The following NAA25 variants were observed in gnomAD, a reference collection of about 807,000 sequenced individuals.
The protein encoded by NAA25 is N-alpha-acetyltransferase 25, NatB auxiliary subunit.
NAA25 carries 30 observed loss-of-function variants against 132.5 expected under a neutral mutation model. The ratio of observed to expected loss-of-function variants is 0.23; its 90% CI spans 0.17 to 0.31. The LOEUF is 0.31. Among genes scored for constraint, NAA25 ranks in the 10% least tolerant of loss-of-function variants. The pLI is 1.00. For missense variants in NAA25, 771 were observed against 1,150.4 expected (o/e 0.67, Z 4.77); for synonymous variants, 359 against 401.9 (o/e 0.89, Z 1.28).
rs945475861 is a variant in NAA25, at chr12:112,057,967, G to A, written c.1447+2303C>T. On this transcript the variant is annotated intron_variant, in intron 13 of 23. Transcript: ENST00000261745. ...TTGCACTCCAGTCTGGCGACAGAGCGAGACTTTGTCTCAAAAAAAACCCAC... is the reference window on the plus strand; with the variant it reads ...TTGCACTCCAGTCTGGCGACAGAGCAAGACTTTGTCTCAAAAAAAACCCAC... Among the ~76,000 whole-genome samples, 12 of 152,044 alleles carry A rather than the reference G, an allele frequency of 7.9e-5. No homozygotes were observed. In the South Asian group the frequency reaches 8.3e-4, roughly 10 times the overall value.
intron 4 of NAA25, 87 bp from the exon 5 acceptor site, chr12:112,081,221 G>A: frequency 1.9e-6 from 2 of 1,080,494 alleles, no homozygotes; most frequent in African/African-American, 3.2e-5. Context: ...AGTTTCTTGG[G>A]AGAACAGCAA....
Position 112,042,039 on chromosome 12 carries a change from C to T in NAA25, c.2440G>A (p.Asp814Asn). ...SFKSLLDQLK[D>N]VFSKCKGDLL... The stretch of plus-strand genomic sequence containing the variant: ...AGGAATCTACAGTAGGAAAACTTAC[C>T]TTTTAACTGGTCTAGTAAAGACTTA... The change falls in exon 20 of 24, where the codon GAT becomes AAT. Residue 814 changes from aspartate (D) to asparagine (N), a missense_variant and splice_region_variant. Coordinates refer to ENST00000261745, the MANE Select transcript of NAA25 (RefSeq NM_024953.4). 1.4e-6 allele frequency: 2 copies of T among 1,468,618 alleles called. No homozygotes were observed. The highest frequency in any genetic ancestry group is 1.8e-6 in the Non-Finnish European group (2 of 1,102,124). 91.0% of individuals were successfully genotyped at this position (1,468,618 alleles called of 1,614,324 possible).
chr12:112,037,345 T>C (rs1407515999), intron 22 of NAA25, among the ~76,000 whole-genome samples: 1 of 138,474 alleles, frequency 7.2e-6, no homozygotes, highest in Non-Finnish European at 1.6e-5. Flanking sequence ...TATTCAAATA[T>C]GTATGAATGG....
chr12:112,102,890 A>T (rs1457813265), intron 1 of NAA25, among the ~76,000 whole-genome samples: 1 of 152,004 alleles, frequency 6.6e-6, no homozygotes, highest in African/African-American at 2.4e-5. Flanking sequence ...GAGTTTCACT[A>T]TGTCGGTGAG....
At chr12:112,083,288 T>C (rs1002303611) in intron 4 of NAA25, among the ~76,000 whole-genome samples, 1 of 152,068 alleles carries the variant, frequency 6.6e-6, no homozygotes, top group African/African-American at 2.4e-5. Flanking sequence ...GAGACCAACT[T>C]GGCCAATAAA....
intron 13 of NAA25, among the ~76,000 whole-genome samples, chr12:112,056,419 T>C (rs945808328): frequency 1.3e-5 from 2 of 152,110 alleles, no homozygotes; most frequent in South Asian, 2.1e-4. Context: ...TAGCCAGGCA[T>C]GGTGGCATGT....
At chr12:112,059,481 A>C (rs1438462297) in intron 13 of NAA25, among the ~76,000 whole-genome samples, 2 of 152,232 alleles carry the variant, frequency 1.3e-5, no homozygotes, top group Admixed American at 1.3e-4. Flanking sequence ...AGGCAATCCC[A>C]GTACCATTTG....
At chr12:112,097,086 T>C (rs540223503) in intron 1 of NAA25, among the ~76,000 whole-genome samples, 1 of 152,296 alleles carries the variant, frequency 6.6e-6, no homozygotes, top group East Asian at 1.9e-4. Context: ...GTCTAGACCA[T>C]GTAACTGCAG....
At chr12:112,081,199 T>C (rs2078969485) in intron 4 of NAA25, 65 bp from the exon 5 acceptor site, 3 of 1,360,152 alleles carry the variant, frequency 2.2e-6, no homozygotes, top group South Asian at 1.2e-5. Context: ...ATGATCTAGA[T>C]ACACGACAAA....
chr12:112,075,630 T>TA (rs2078884440), intron 8 of NAA25, 48 bp downstream of exon 8: 1 of 1,488,660 alleles, frequency 6.7e-7, no homozygotes, highest in South Asian at 1.1e-5. Flanking sequence ...TAGTGAGGTC[T>TA]TAAAGCCTCA....
chr12:112,103,467 T>C (rs2079322456), intron 1 of NAA25, among the ~76,000 whole-genome samples: 1 of 152,182 alleles, frequency 6.6e-6, no homozygotes, highest in South Asian at 2.1e-4. Context: ...TCTAGATTCA[T>C]TGAGAGAAGT....
rs918758458 is a variant in NAA25, at chr12:112,047,703, T to C, written c.1968A>G (p.Arg656=). 6.2e-7 allele frequency: 1 copy of C among 1,613,948 alleles called. No individual in the cohort carries two copies. The highest frequency in any genetic ancestry group is 1.3e-5 in the African/African-American group (1 of 74,930). ...CCCAGCTGAAAAAAACATTTAAGTC[T>C]CTGTTGTCTCGCAAATCTTCCCATG... ...DIPWEDLRDN[R]DLNVFFSWDP... The change falls in exon 17 of 24, where the codon AGA becomes AGG. Residue 656 remains arginine, a synonymous_variant. Transcript: ENST00000261745.
At chr12:112,034,984 GAGATATATCT>G (rs1243718056) in intron 22 of NAA25, 1 of 151,972 alleles carries the variant, frequency 6.6e-6, no homozygotes, top group Non-Finnish European at 1.5e-5. Context: ...TAAAAGTAAT[GAGATATATCT>G]ATATTTACTG....
intron 1 of NAA25, among the ~76,000 whole-genome samples, chr12:112,099,163 T>C (rs1183602545): frequency 6.6e-6 from 1 of 152,096 alleles, no homozygotes; most frequent in Non-Finnish European, 1.5e-5. Flanking sequence ...ATTTTTTTTG[T>C]ACTTTTAGTA....
At chr12:112,062,912 T>C (rs2078658546) in intron 11 of NAA25, among the ~76,000 whole-genome samples, 1 of 151,192 alleles carries the variant, frequency 6.6e-6, no homozygotes, top group Non-Finnish European at 1.5e-5. Context: ...ACAAAACACA[T>C]AGCCAGGCAT....
Position 112,033,017 on chromosome 12 carries a change from A to C in NAA25, c.2796+216T>G, listed in dbSNP as rs139100304. Among the ~76,000 whole-genome samples the C allele has an allele frequency of 3.9e-5, 6 of 152,336 alleles. No individual in the cohort carries two copies. In the South Asian group the frequency reaches 8.3e-4, roughly 21 times the overall value. On this transcript the variant is annotated intron_variant, in intron 23 of 23. Transcript: ENST00000261745. ...AGTAAAAGAACAACCCCAAAAATGC[A>C]TAGAAAGGAGGACGTATGGGGAGAA...
rs200969973 is a variant in NAA25 at position 112,048,414 on chromosome 12, T to C, written c.1758A>G (p.Lys586=). Residue 586 remains lysine, a synonymous_variant, in exon 16 of 24, where the codon AAA becomes AAG. Transcript: ENST00000261745. ...CTGGGATCTTCTCAAATGCACCATA[T>C]TTGTAAGCTTGAATAATATATTCTG... ...DTSEYIIQAY[K]YGAFEKIPEF... 12 of 1,613,936 alleles carry C rather than the reference T, an allele frequency of 7.4e-6. No homozygotes were observed. The African/African-American group carries it at 1.3e-4, about 18-fold the overall frequency.
intron 11 of NAA25, among the ~76,000 whole-genome samples, chr12:112,066,318 T>G (rs1284803446): frequency 1.3e-5 from 2 of 152,220 alleles, no homozygotes; most frequent in African/African-American, 4.8e-5. Context: ...TCTTAGGGCT[T>G]AGCACACAAT....
chr12:112,071,962 T>C lies in NAA25; in HGVS notation c.969A>G (p.Pro323=). 6.2e-7 allele frequency: 1 copy of C among 1,614,150 alleles called. No homozygotes were observed. Among genetic ancestry groups the C allele is most frequent in the Non-Finnish European group, 8.5e-7 (1 of 1,179,998 alleles). Reference sequence around the variant, plus strand: ...TAATCAGCTCCAATTTAGCTAGATGTGGTCCTCGGAGATGGCGAGAACTTT... The same window carrying C: ...TAATCAGCTCCAATTTAGCTAGATGCGGTCCTCGGAGATGGCGAGAACTTT... ...ESKSSRHLRG[P]HLAKLELIRR... is the part of the protein sequence containing the mutation. The change falls in exon 10 of 24, where the codon CCA becomes CCG. Residue 323 remains proline (P), a synonymous_variant. Transcript: ENST00000261745.
Sources: allele counts gnomAD v4.1 joint callset (sites outside exome capture counted in the v4.1 genomes callset), GRCh38; gene constraint gnomAD v4.1.1; transcripts MANE v1.5; gene names NCBI Gene and HGNC (gene_info 2026-07-23, HGNC 2026-07-21).